Variants in CTNNA3 observed in about 807,000 individuals in gnomAD.
The protein encoded by CTNNA3 is catenin alpha 3.
A neutral mutation model predicts 95.7 loss-of-function variants in CTNNA3; 76 were observed. The observed-to-expected ratio is 0.79, with a 90% CI of 0.66 to 0.96. The LOEUF is 0.96. Among genes scored for constraint, CTNNA3 ranks in the 40% least tolerant of loss-of-function variants. The pLI is 0.00. For synonymous variants in CTNNA3, 431 were observed against 374.4 expected, an observed-to-expected ratio of 1.15 and a Z score of -1.74; for missense variants, 1,191 against 1,089.8, an observed-to-expected ratio of 1.09 and a Z score of -1.31.
chr10:67,478,932 T>G (rs910589604), intron 5 of CTNNA3, among the ~76,000 whole-genome samples: 1 of 151,058 alleles, frequency 6.6e-6, no homozygotes, highest in Non-Finnish European at 1.5e-5. Flanking sequence ...AGATCTATCA[T>G]GTAAACAGAA....
rs1839618207 is a variant in CTNNA3, at chr10:66,483,578, A to G, written c.1531+37039T>C. Among the ~76,000 whole-genome samples, 3 of 152,140 alleles carry G rather than the reference A, an allele frequency of 2.0e-5. No individual in the cohort carries two copies. The South Asian group carries it at 6.2e-4, about 32-fold the overall frequency. On this transcript the variant is annotated intron_variant, in intron 11 of 17. Coordinates refer to ENST00000433211, the MANE Select transcript of CTNNA3 (RefSeq NM_013266.4). ...GGCTGATAAAAGAGTAAAATTTTAA[A>G]AAGGGTCTTTATTTGTTGTCTTTAC...
At chr10:67,442,050 C>A (rs1159222255) in intron 5 of CTNNA3, among the ~76,000 whole-genome samples, 2 of 152,036 alleles carry the variant, frequency 1.3e-5, no homozygotes, top group African/African-American at 4.8e-5. Context: ...CTAAGAGAAA[C>A]AACCAAATGA....
intron 14 of CTNNA3, among the ~76,000 whole-genome samples, chr10:66,072,576 C>T (rs1305671829): frequency 2.6e-5 from 4 of 152,186 alleles, no homozygotes; most frequent in African/African-American, 9.6e-5. Context: ...TCCCAAGTAG[C>T]TGGGACTATA....
At chr10:67,371,279 T>C (rs1403846234) in intron 5 of CTNNA3, among the ~76,000 whole-genome samples, 3 of 152,066 alleles carry the variant, frequency 2.0e-5, no homozygotes, top group Non-Finnish European at 2.9e-5. Flanking sequence ...GTGCATAATG[T>C]GCAGGTTTGT....
chr10:67,079,273 A>C (rs75675128), intron 7 of CTNNA3, among the ~76,000 whole-genome samples: 1,691 of 152,306 alleles, frequency 0.011, 10 homozygotes, highest in Non-Finnish European at 0.018. Context: ...CTAGGAATTT[A>C]AGAAACTATC....
chr10:66,037,639 T>C (rs2079594285), intron 15 of CTNNA3, among the ~76,000 whole-genome samples: 1 of 150,062 alleles, frequency 6.7e-6, no homozygotes, highest in African/African-American at 2.5e-5. Context: ...AACCATGATA[T>C]GATACATTCT....
intron 7 of CTNNA3, among the ~76,000 whole-genome samples, chr10:67,165,776 T>C (rs943392965): frequency 2.6e-5 from 4 of 152,186 alleles, no homozygotes; most frequent in African/African-American, 9.7e-5. Context: ...AGTTATCAAG[T>C]AGATTCAGTC....
At chr10:65,932,083 A>T (rs1309216857) in intron 17 of CTNNA3, among the ~76,000 whole-genome samples, 1 of 152,096 alleles carries the variant, frequency 6.6e-6, no homozygotes, top group African/African-American at 2.4e-5. Context: ...GGGAGGAGGG[A>T]AGTAGAGCTG....
At chr10:66,714,316 A>G (rs116894708) in intron 9 of CTNNA3, among the ~76,000 whole-genome samples, 7 of 152,134 alleles carry the variant, frequency 4.6e-5, no homozygotes, top group African/African-American at 1.7e-4. Flanking sequence ...TACAATTAAA[A>G]TGGAAATCCA....
At chr10:67,665,293 T>C (rs1030841577) in intron 1 of CTNNA3, among the ~76,000 whole-genome samples, 1 of 152,210 alleles carries the variant, frequency 6.6e-6, no homozygotes, top group Non-Finnish European at 1.5e-5. Flanking sequence ...CCTGCTAATA[T>C]ACTCGGAAAA....
chr10:67,471,721 C>T (rs1239332798), intron 5 of CTNNA3, among the ~76,000 whole-genome samples: 1 of 152,132 alleles, frequency 6.6e-6, no homozygotes, highest in Non-Finnish European at 1.5e-5. Flanking sequence ...ATGCCTGCAT[C>T]TTGCCAAAGA....
At chr10:67,223,765 G>A (rs1864763419) in intron 5 of CTNNA3, among the ~76,000 whole-genome samples, 1 of 152,110 alleles carries the variant, frequency 6.6e-6, no homozygotes. Flanking sequence ...GCTGAGCCTC[G>A]ACTTTGCATC....
rs79440042 is a variant in CTNNA3 at position 66,237,149 on chromosome 10, A to G, written c.1884+43321T>C. 6.0e-3 allele frequency among the ~76,000 whole-genome samples: 906 copies of G among 152,260 alleles called. 6 individuals are homozygous for G. The highest frequency in any genetic ancestry group is 0.02 in the African/African-American group (850 of 41,548). ...ATGATCATAATAATAACCCAAAAAA[A>G]GAATATGAAATATCTAAATCTATAT... On this transcript the variant is annotated intron_variant, in intron 13 of 17. Transcript: ENST00000433211.
chr10:66,802,031 T>C (rs1360630076), intron 7 of CTNNA3, among the ~76,000 whole-genome samples: 1 of 151,652 alleles, frequency 6.6e-6, no homozygotes, highest in East Asian at 1.9e-4. Context: ...CTAGAAAAAC[T>C]AGATAACCAT....
chr10:67,507,458 C>G (rs770645455), intron 5 of CTNNA3, among the ~76,000 whole-genome samples: 46 of 151,134 alleles, frequency 3.0e-4, no homozygotes, highest in Non-Finnish European at 5.5e-4. Context: ...AACCAGGACC[C>G]AGGAGGCAGA....
intron 7 of CTNNA3, among the ~76,000 whole-genome samples, chr10:67,048,884 C>G (rs575248487): frequency 6.6e-6 from 1 of 152,192 alleles, no homozygotes; most frequent in South Asian, 2.1e-4. Context: ...TTTTATAAAA[C>G]TTTATTATCC....
At chr10:66,472,726 C>T (rs1188980140) in intron 11 of CTNNA3, among the ~76,000 whole-genome samples, 1 of 151,920 alleles carries the variant, frequency 6.6e-6, no homozygotes, top group Non-Finnish European at 1.5e-5. Flanking sequence ...TTTTGAAATA[C>T]TTACATGAAA....
intron 1 of CTNNA3, among the ~76,000 whole-genome samples, chr10:67,669,197 G>A (rs1234044942): frequency 6.6e-6 from 1 of 152,134 alleles, no homozygotes; most frequent in African/African-American, 2.4e-5. Context: ...CAATTGACAG[G>A]TATAGTGCAA....
chr10:67,699,633 G>C (rs1841018205), upstream of CTNNA3, among the ~76,000 whole-genome samples: 1 of 152,224 alleles, frequency 6.6e-6, no homozygotes, highest in Non-Finnish European at 1.5e-5. Flanking sequence ...TAAGAAAAGA[G>C]AAGGTGGAGC....
Sources: allele counts gnomAD v4.1 joint callset (sites outside exome capture counted in the v4.1 genomes callset), GRCh38; gene constraint gnomAD v4.1.1; transcripts MANE v1.5; gene names NCBI Gene and HGNC (gene_info 2026-07-23, HGNC 2026-07-21).